The following HEPH variants were observed in gnomAD, a reference collection of about 807,000 sequenced individuals.
The protein encoded by HEPH is hephaestin.
In HEPH, 69 loss-of-function variants were observed where a neutral mutation model predicts 80.8. The observed-to-expected ratio is 0.85, with a 90% confidence interval of 0.70 to 1.04. The LOEUF (loss-of-function observed/expected upper bound fraction) is 1.04. Among genes scored for constraint, HEPH ranks in the 50% least tolerant of loss-of-function variants. The probability of loss-of-function intolerance (pLI) is 0.00; values close to 1 mark genes in which losing one functional copy is unlikely to be tolerated. For synonymous variants in HEPH, 431 were observed against 322.8 expected (o/e 1.34, Z -3.60); for missense variants, 1,115 against 891.3 (o/e 1.25, Z -3.20).
chrX:66,264,349 G>A (rs1460108137), intron 20 of HEPH, among the ~76,000 whole-genome samples: 3 of 107,735 alleles, frequency 2.8e-5, no homozygotes, highest in Non-Finnish European at 5.7e-5. Context: ...GCACAAATAT[G>A]AATCCCCCCT....
intron 1 of HEPH, among the ~76,000 whole-genome samples, chrX:66,167,735 A>AT (rs2086435789): frequency 8.9e-6 from 1 of 112,302 alleles, no homozygotes; most frequent in Admixed American, 9.4e-5. Flanking sequence ...AGCTCATTAC[A>AT]TACCACATTT....
At chrX:66,211,942 A>G (rs923936909) in intron 15 of HEPH, among the ~76,000 whole-genome samples, 76 of 111,400 alleles carry the variant, frequency 6.8e-4, no homozygotes, top group African/African-American at 2.4e-3. Context: ...ACTAGTTTAC[A>G]TTTCCACCAA....
At chrX:66,265,812 T>C (rs1333996952) in intron 20 of HEPH, among the ~76,000 whole-genome samples, 1 of 111,717 alleles carries the variant, frequency 9.0e-6, no homozygotes, top group Non-Finnish European at 1.9e-5. Flanking sequence ...GAAGGATAGA[T>C]TAGAGCCTGA....
At chrX:66,236,612 G>T in intron 15 of HEPH, among the ~76,000 whole-genome samples, 1 of 111,760 alleles carries the variant, frequency 8.9e-6, no homozygotes, top group Non-Finnish European at 1.9e-5. Flanking sequence ...TGGTATCAGG[G>T]TGATGCTGGC....
At chrX:66,222,857 C>A (rs924590875) in intron 15 of HEPH, among the ~76,000 whole-genome samples, 6 of 112,153 alleles carry the variant, frequency 5.3e-5, no homozygotes, top group Non-Finnish European at 1.1e-4. Flanking sequence ...GCAAAATCGA[C>A]TTGGTTATGT....
chrX:66,198,826 C>T, intron 10 of HEPH, 52 bp from the exon 11 acceptor site: 1 of 966,868 alleles, frequency 1.0e-6, no homozygotes, highest in East Asian at 3.1e-5. Context: ...CAGTCTACAA[C>T]TGCTGAAACT....
rs201813233 is a variant in HEPH, at chrX:66,168,151, CAGTA to C, written c.-13-2402_-13-2399del. Among the ~76,000 whole-genome samples, 695 of 111,862 alleles carry C rather than the reference CAGTA, an allele frequency of 6.2e-3. 5 individuals are homozygous for C. Among genetic ancestry groups the C allele is most frequent in the African/African-American group, 0.02 (625 of 30,800 alleles). On this transcript the variant is annotated intron_variant, in intron 1 of 20. Transcript: ENST00000343002. ...ACTTAATCTAATTGGGTGCTATAGA[CAGTA>C]AGTAGCCCTGCAGAGGACAGTGATA...
chrX:66,225,529 G>A (rs1052636419), intron 15 of HEPH, among the ~76,000 whole-genome samples: 1 of 112,584 alleles, frequency 8.9e-6, no homozygotes, highest in Admixed American at 9.4e-5. Context: ...ATCAGGCCAC[G>A]CTTCCACTCA....
intron 11 of HEPH, 85 bp from the exon 12 acceptor site, chrX:66,200,455 G>C (rs537962917): frequency 1.3e-6 from 1 of 759,800 alleles, no homozygotes; most frequent in African/African-American, 2.1e-5. Context: ...TGAAACCATA[G>C]TACATAGCTG....
chrX:66,259,643 G>T (rs1336067971), intron 18 of HEPH, among the ~76,000 whole-genome samples: 3 of 110,543 alleles, frequency 2.7e-5, no homozygotes, highest in African/African-American at 9.8e-5. Flanking sequence ...GACATTTTAA[G>T]AGGAGAAAGT....
chrX:66,200,378 GTAGAGT>G (rs770171992), intron 11 of HEPH, 156 bp from the exon 12 acceptor site: 187 of 448,000 alleles, frequency 4.2e-4, no homozygotes, highest in Non-Finnish European at 3.2e-4. Context: ...ATATTCACGA[GTAGAGT>G]TAAAGTGGCA....
At chrX:66,211,564 T>A (rs973747398) in intron 15 of HEPH, among the ~76,000 whole-genome samples, 1 of 111,672 alleles carries the variant, frequency 9.0e-6, no homozygotes, top group African/African-American at 3.2e-5. Flanking sequence ...ATTTTTTAGC[T>A]CCTGCATATA....
intron 15 of HEPH, among the ~76,000 whole-genome samples, chrX:66,232,749 A>T (rs1357745945): frequency 1.8e-5 from 2 of 111,455 alleles, no homozygotes; most frequent in Non-Finnish European, 3.8e-5. Context: ...AAATACATAA[A>T]TAGCACCAAA....
At chrX:66,164,053 C>A (rs1421576992), upstream of HEPH, among the ~76,000 whole-genome samples, 1 of 111,648 alleles carries the variant, frequency 9.0e-6, no homozygotes, top group African/African-American at 3.3e-5. Flanking sequence ...TGAAATCTAC[C>A]CATGAGCTTT....
chrX:66,187,673 A>G (rs1462454527), intron 4 of HEPH, among the ~76,000 whole-genome samples: 4 of 110,583 alleles, frequency 3.6e-5, no homozygotes, highest in Non-Finnish European at 7.6e-5. Context: ...GGAGCAGTCC[A>G]TTTCCTTCAG....
Position 66,198,864 on chromosome X carries a change from T to TAGAAGAA in HEPH, c.1714-13_1714-12insGAAGAAA. On this transcript the variant is annotated splice_polypyrimidine_tract_variant and intron_variant, in intron 10 of 20. Transcript: ENST00000343002. The stretch of plus-strand genomic sequence containing the variant: ...TGTCATTATTCCCTCTACTTTCTTC[T>TAGAAGAA]ATTGGGCCTGCAGAAAGGGGTGGAT... The TAGAAGAA allele has an allele frequency of 8.6e-7, 1 of 1,165,101 alleles. No homozygotes were observed. The highest frequency in any genetic ancestry group is 1.2e-6 in the Non-Finnish European group (1 of 853,843).
rs1399508162 is a variant in HEPH at position 66,164,247 on chromosome X, A to G, written c.-237A>G. 4.0e-6 allele frequency: 3 copies of G among 752,142 alleles called. No individual in the cohort carries two copies. The highest frequency in any genetic ancestry group is 4.7e-6 in the Non-Finnish European group (3 of 638,777). 62.0% of individuals were successfully genotyped at this position (752,142 alleles called of 1,213,427 possible). A position where few individuals can be genotyped will look rare whatever the true frequency, so the allele number is the denominator to read the frequency against. On this transcript the variant is annotated 5_prime_UTR_variant, in exon 1 of 21. Coordinates refer to ENST00000343002, the MANE Select transcript of HEPH (RefSeq NM_001367233.3). ...AAACCAGGCCCCAGAGGAACAGGAC[A>G]TTCCAGTAGTTTTGTTTCTGGAAAA... is the stretch of plus-strand genomic sequence containing the variant.
intron 7 of HEPH, among the ~76,000 whole-genome samples, 185 bp downstream of exon 7, chrX:66,192,483 C>T (rs1450809321): frequency 9.0e-6 from 1 of 111,635 alleles, no homozygotes; most frequent in Non-Finnish European, 1.9e-5. Flanking sequence ...TGGGGAGATA[C>T]AGGTAGCAAA....
At chrX:66,245,037 A>G (rs2090749239) in intron 15 of HEPH, among the ~76,000 whole-genome samples, 1 of 111,468 alleles carries the variant, frequency 9.0e-6, no homozygotes, top group Non-Finnish European at 1.9e-5. Flanking sequence ...GACCAATTGT[A>G]AAGACCATCA....
Sources: allele counts gnomAD v4.1 joint callset (sites outside exome capture counted in the v4.1 genomes callset), GRCh38; gene constraint gnomAD v4.1.1; transcripts MANE v1.5; gene names NCBI Gene and HGNC (gene_info 2026-07-23, HGNC 2026-07-21).